The following AEBP2 variants were observed in gnomAD, a reference collection of about 807,000 sequenced individuals.
AEBP2 encodes zinc finger protein AEBP2.
In AEBP2, 10 loss-of-function variants were observed where a neutral mutation model predicts 50.8. The observed-to-expected ratio is 0.20, with a 90% CI of 0.12 to 0.33. AEBP2 has a LOEUF of 0.33. Among genes scored for constraint, AEBP2 ranks in the 10% least tolerant of loss-of-function variants. The pLI is 1.00. For missense variants in AEBP2, 570 were observed against 688.0 expected (o/e 0.83, Z 1.92); for synonymous variants, 296 against 261.3 (o/e 1.13, Z -1.28).
chr12:19,430,526 GC>G (rs2095750877), intron 1 of AEBP2, among the ~76,000 whole-genome samples: 1 of 152,142 alleles, frequency 6.6e-6, no homozygotes. Context: ...GTCATTGGTA[GC>G]TTGACGGGGA....
chr12:19,473,831 A>C (rs1251349037), intron 3 of AEBP2, among the ~76,000 whole-genome samples: 2 of 152,240 alleles, frequency 1.3e-5, no homozygotes. Context: ...GAATTTCAAA[A>C]GTAGATGGAG....
chr12:19,439,860 T>TGGCGGC lies in AEBP2; in HGVS notation c.163_168dup (p.Ala55_Ala56dup), dbSNP rs1420960736. 9.6e-6 allele frequency: 14 copies of TGGCGGC among 1,464,134 alleles called. No individual in the cohort carries two copies. The Admixed American group carries it at 3.1e-4, about 33-fold the overall frequency. 90.7% of individuals were successfully genotyped at this position (1,464,134 alleles called of 1,614,324 possible). Reference sequence around the variant, plus strand: ...GAAGAGGAGGCGGAGGCCGAGGCGGTGGCGGCGCTGCTGCTGAACGGCGGC... The same window carrying TGGCGGC: ...GAAGAGGAGGCGGAGGCCGAGGCGGTGGCGGCGGCGGCGCTGCTGCTGAACGGCGGC... On this transcript the variant is annotated inframe_insertion, in exon 1 of 8. Coordinates refer to ENST00000266508, the MANE Select transcript of AEBP2 (RefSeq NM_153207.5).
chr12:19,508,224 T>C (rs1479778161), intron 5 of AEBP2, among the ~76,000 whole-genome samples: 1 of 152,196 alleles, frequency 6.6e-6, no homozygotes, highest in Non-Finnish European at 1.5e-5. Flanking sequence ...AAAAAAACCA[T>C]ATTTTAAAAA....
At chr12:19,450,632 C>G (rs1384316590) in intron 1 of AEBP2, among the ~76,000 whole-genome samples, 1 of 141,424 alleles carries the variant, frequency 7.1e-6, no homozygotes, top group East Asian at 2.1e-4. Context: ...GAGTTTGAGA[C>G]CAGCCTAAGC....
chr12:19,501,797 G>GTTTTTTTTTTTTTTTTTTTT (rs754195220), intron 5 of AEBP2, among the ~76,000 whole-genome samples: 12 of 70,906 alleles, frequency 1.7e-4, no homozygotes, highest in African/African-American at 2.5e-4. Flanking sequence ...AAATGAGTTT[G>GTTTTTTTTTTTTTTTTTTTT]TTTTTTTTTT....
At chr12:19,466,380 C>T (rs1302375765) in intron 2 of AEBP2, among the ~76,000 whole-genome samples, 2 of 152,012 alleles carry the variant, frequency 1.3e-5, no homozygotes, top group African/African-American at 2.4e-5. Context: ...TGCTTGAGCC[C>T]AGGAGGTTGA....
chr12:19,419,920 A>G (rs2153364284), intron 1 of AEBP2, among the ~76,000 whole-genome samples: 1 of 151,770 alleles, frequency 6.6e-6, no homozygotes, highest in East Asian at 1.9e-4. Context: ...ACAGAGTGAG[A>G]CTCCGTCCTT....
intron 4 of AEBP2, among the ~76,000 whole-genome samples, chr12:19,496,499 C>CT (rs935833412): frequency 6.6e-6 from 1 of 152,162 alleles, no homozygotes; most frequent in African/African-American, 2.4e-5. Context: ...GCATTTCACT[C>CT]TTTCTTTAAA....
At chr12:19,424,685 C>T (rs2095747630) in intron 1 of AEBP2, among the ~76,000 whole-genome samples, 1 of 151,922 alleles carries the variant, frequency 6.6e-6, no homozygotes, top group Non-Finnish European at 1.5e-5. Context: ...CGTGAGCCAC[C>T]GCGCCCGGCC....
At chr12:19,437,311 T>A (rs1475034881), upstream of AEBP2, among the ~76,000 whole-genome samples, 3 of 152,228 alleles carry the variant, frequency 2.0e-5, no homozygotes, top group East Asian at 5.8e-4. Context: ...TGAAGGCTCC[T>A]GTGTCACATA....
intron 1 of AEBP2, chr12:19,440,859 C>G: frequency 8.6e-7 from 1 of 1,157,098 alleles, no homozygotes; most frequent in Non-Finnish European, 1.2e-6. Context: ...TATCACTTTT[C>G]TCTACTTAAA....
chr12:19,433,367 G>A (rs1432063265), intron 1 of AEBP2, among the ~76,000 whole-genome samples: 1 of 152,182 alleles, frequency 6.6e-6, no homozygotes, highest in Non-Finnish European at 1.5e-5. Context: ...CAGCCTGGGT[G>A]ACAGAGTGAG....
chr12:19,454,348 TTTAATTG>T (rs1168010924), intron 1 of AEBP2, among the ~76,000 whole-genome samples: 2 of 152,194 alleles, frequency 1.3e-5, no homozygotes, highest in African/African-American at 4.8e-5. Context: ...TATGTCAACT[TTTAATTG>T]TTACCACACA....
chr12:19,455,748 G>A (rs1212859262), intron 1 of AEBP2, among the ~76,000 whole-genome samples: 5 of 152,190 alleles, frequency 3.3e-5, no homozygotes. Context: ...TAAACTAAGG[G>A]AAAAGAGGAA....
intron 1 of AEBP2, among the ~76,000 whole-genome samples, chr12:19,446,554 C>A (rs538325867): frequency 7.2e-4 from 110 of 152,086 alleles, no homozygotes; most frequent in African/African-American, 2.6e-3. Flanking sequence ...ACGGTGAAAC[C>A]CCGTCTCTAC....
chr12:19,413,259 ACT>A lies in AEBP2; in HGVS notation c.-17+9044_-17+9045del, dbSNP rs1348704144. ...CAGTCGGCCGGGCCAGGTTTAAGTA[ACT>A]TAGCACTTGTAAAGCCTGAAAAAAC... On this transcript the variant is annotated intron_variant, in intron 1 of 3. Coordinates refer to the AEBP2 transcript ENST00000538425. The A allele has an allele frequency of 8.8e-6, 10 of 1,141,920 alleles. No individual in the cohort carries two copies. The East Asian group carries it at 2.1e-4, about 24-fold the overall frequency. 70.7% of individuals were successfully genotyped at this position (1,141,920 alleles called of 1,614,324 possible).
intron 4 of AEBP2, among the ~76,000 whole-genome samples, chr12:19,496,634 CT>C (rs774064270): frequency 2.0e-5 from 3 of 149,680 alleles, no homozygotes; most frequent in Non-Finnish European, 4.5e-5. Flanking sequence ...ATGTAATTTT[CT>C]GTTTGATAAA....
intron 1 of AEBP2, among the ~76,000 whole-genome samples, chr12:19,454,382 C>G (rs1462707418): frequency 6.6e-6 from 1 of 152,096 alleles, no homozygotes; most frequent in Non-Finnish European, 1.5e-5. Context: ...CTTGGCTAGA[C>G]CCTTAAGTGA....
chr12:19,505,808 C>G (rs558141881), intron 5 of AEBP2, among the ~76,000 whole-genome samples: 12 of 152,232 alleles, frequency 7.9e-5, no homozygotes, highest in Non-Finnish European at 1.2e-4. Flanking sequence ...CAGAGTTTCA[C>G]TGTGTCACCC....
Sources: gnomAD v4.1 joint callset for allele counts (sites outside exome capture counted in the v4.1 genomes callset) on GRCh38, gnomAD v4.1.1 for gene constraint, MANE v1.5 for transcripts, NCBI Gene and HGNC (gene_info 2026-07-23, HGNC 2026-07-21) for gene names.